Variants in NELL1 observed in about 807,000 individuals in gnomAD.
NELL1 encodes protein kinase C-binding protein NELL1.
NELL1 carries 76 observed loss-of-function variants against 107.4 expected under a neutral mutation model. The observed-to-expected ratio is 0.71, with a 90% CI of 0.59 to 0.86. The LOEUF (loss-of-function observed/expected upper bound fraction) is 0.86, where lower values mean the gene tolerates loss of function less well. Among genes scored for constraint, NELL1 ranks in the 40% least tolerant of loss-of-function variants. The probability of loss-of-function intolerance (pLI) is 0.00; values close to 1 mark genes in which losing one functional copy is unlikely to be tolerated. For synonymous variants in NELL1, 353 were observed against 341.2 expected (o/e 1.03, Z -0.38); for missense variants, 1,024 against 1,005.5 (o/e 1.02, Z -0.25).
At chr11:20,865,214 C>T (rs1423004468) in intron 4 of NELL1, among the ~76,000 whole-genome samples, 1 of 152,178 alleles carries the variant, frequency 6.6e-6, no homozygotes, top group African/African-American at 2.4e-5. Flanking sequence ...ACAACTTTTG[C>T]AGGATCCACG....
intron 15 of NELL1, among the ~76,000 whole-genome samples, chr11:21,468,107 A>AT (rs1164336705): frequency 1.3e-5 from 2 of 152,078 alleles, no homozygotes; most frequent in African/African-American, 2.4e-5. Context: ...AATATCTGGC[A>AT]TTTTAATTAT....
chr11:21,490,113 A>G (rs565394390), intron 15 of NELL1, among the ~76,000 whole-genome samples: 6 of 152,234 alleles, frequency 3.9e-5, no homozygotes, highest in South Asian at 2.1e-4. Context: ...GAAAATTAAT[A>G]TACAAAAATC....
intron 14 of NELL1, among the ~76,000 whole-genome samples, chr11:21,241,734 C>T (rs1432319854): frequency 6.6e-6 from 1 of 151,924 alleles, no homozygotes; most frequent in African/African-American, 2.4e-5. Context: ...CTACTTATTT[C>T]TACCCCAAAC....
intron 5 of NELL1, among the ~76,000 whole-genome samples, chr11:20,896,023 G>GT (rs1214672664): frequency 6.6e-6 from 1 of 151,876 alleles, no homozygotes; most frequent in East Asian, 1.9e-4. Context: ...GGCACAGGTG[G>GT]TTTTTTGTTA....
intron 12 of NELL1, among the ~76,000 whole-genome samples, chr11:20,987,247 A>G (rs917131162): frequency 7.9e-5 from 12 of 152,116 alleles, no homozygotes; most frequent in African/African-American, 2.9e-4. Flanking sequence ...TTAACCTTGG[A>G]TGTACTTATT....
chr11:20,825,750 G>A (rs1024580291), intron 3 of NELL1, among the ~76,000 whole-genome samples: 1 of 151,102 alleles, frequency 6.6e-6, no homozygotes, highest in Non-Finnish European at 1.5e-5. Flanking sequence ...TGGACTTTTG[G>A]GCAAATGCTG....
chr11:20,784,048 C>T (rs986839903), intron 3 of NELL1, among the ~76,000 whole-genome samples: 1 of 152,208 alleles, frequency 6.6e-6, no homozygotes, highest in Non-Finnish European at 1.5e-5. Context: ...GTATCTTTCT[C>T]GTCTGTCTTC....
At chr11:21,410,588 A>G (rs1462807488) in intron 15 of NELL1, among the ~76,000 whole-genome samples, 2 of 152,098 alleles carry the variant, frequency 1.3e-5, no homozygotes, top group Non-Finnish European at 2.9e-5. Context: ...CCACAGTTAA[A>G]TGTGATTTGT....
intron 14 of NELL1, among the ~76,000 whole-genome samples, chr11:21,287,349 C>G (rs10766782): frequency 0.81 from 122,707 of 152,106 alleles, 51,463 homozygotes; most frequent in Non-Finnish European, 0.92. Context: ...TAGCCCTGTT[C>G]AATCTATTTT....
chr11:21,004,584 T>A (rs1462457298), intron 12 of NELL1, among the ~76,000 whole-genome samples: 2 of 152,054 alleles, frequency 1.3e-5, no homozygotes, highest in Non-Finnish European at 2.9e-5. Context: ...AGGTATGGAT[T>A]GCTAGTAGTT....
intron 13 of NELL1, among the ~76,000 whole-genome samples, chr11:21,125,556 A>T (rs1204764746): frequency 6.6e-6 from 1 of 152,232 alleles, no homozygotes; most frequent in African/African-American, 2.4e-5. Context: ...TAAAATTTAC[A>T]TTTAAGTAGA....
chr11:21,304,536 T>C (rs1450078592), intron 14 of NELL1, among the ~76,000 whole-genome samples: 2 of 151,522 alleles, frequency 1.3e-5, no homozygotes, highest in Non-Finnish European at 2.9e-5. Flanking sequence ...CCAACTAATA[T>C]GTTATCCTGT....
intron 14 of NELL1, among the ~76,000 whole-genome samples, chr11:21,231,885 C>T (rs1244042701): frequency 3.9e-5 from 6 of 152,064 alleles, no homozygotes; most frequent in African/African-American, 1.4e-4. Flanking sequence ...CATGGGAAAG[C>T]AATGTGGTAT....
intron 9 of NELL1, among the ~76,000 whole-genome samples, chr11:20,931,253 C>T (rs1048104648): frequency 3.9e-5 from 6 of 152,056 alleles, no homozygotes; most frequent in African/African-American, 9.7e-5. Flanking sequence ...TGGGATGCTT[C>T]CCGGAGGACA....
At chr11:21,485,640 C>T (rs1171863279) in intron 15 of NELL1, among the ~76,000 whole-genome samples, 1 of 151,892 alleles carries the variant, frequency 6.6e-6, no homozygotes, top group Non-Finnish European at 1.5e-5. Flanking sequence ...TAAGCTGCTC[C>T]CACTGAGAGT....
intron 12 of NELL1, among the ~76,000 whole-genome samples, chr11:20,998,019 C>A (rs771425468): frequency 3.3e-5 from 5 of 152,082 alleles, no homozygotes; most frequent in Non-Finnish European, 5.9e-5. Context: ...AAATTAAATT[C>A]TTTGTACCTA....
At chr11:21,185,555 A>G (rs995691963) in intron 13 of NELL1, among the ~76,000 whole-genome samples, 5 of 151,734 alleles carry the variant, frequency 3.3e-5, no homozygotes, top group Non-Finnish European at 5.9e-5. Context: ...TCGGCCTCCC[A>G]AAGTGCTGGG....
At chr11:21,217,416 A>G (rs1857642348) in intron 13 of NELL1, among the ~76,000 whole-genome samples, 1 of 152,090 alleles carries the variant, frequency 6.6e-6, no homozygotes, top group Admixed American at 6.5e-5. Flanking sequence ...TGAAGGGTAC[A>G]TAGGAGTCTT....
chr11:20,783,629 C>G, intron 2 of NELL1, 51 bp from the exon 3 acceptor site: 1 of 1,388,084 alleles, frequency 7.2e-7, no homozygotes, highest in Non-Finnish European at 1.0e-6. Context: ...TACTCCTTCT[C>G]CTTCCTCTTC....
Sources: gnomAD v4.1 joint callset for allele counts (sites outside exome capture counted in the v4.1 genomes callset) on GRCh38, gnomAD v4.1.1 for gene constraint, MANE v1.5 for transcripts, NCBI Gene and HGNC (gene_info 2026-07-23, HGNC 2026-07-21) for gene names.